FRMPD4: variants seen among roughly 807,000 people sequenced by gnomAD.
FRMPD4 encodes the protein FERM and PDZ domain-containing protein 4.
Under a neutral mutation model 94.1 loss-of-function variants are expected in FRMPD4, and 22 were observed. The ratio of observed to expected loss-of-function variants is 0.23; its 90% CI spans 0.17 to 0.33. The LOEUF is 0.33. FRMPD4 is among the 10% of genes least tolerant of loss of function. The pLI is 1.00. For missense variants in FRMPD4, 1,111 were observed against 1,339.9 expected (o/e 0.83, Z 2.67); for synonymous variants, 631 against 548.6 (o/e 1.15, Z -2.10).
intron 1 of FRMPD4, among the ~76,000 whole-genome samples, chrX:12,465,005 T>G (rs1012831859): frequency 8.9e-6 from 1 of 112,342 alleles, no homozygotes; most frequent in Non-Finnish European, 1.9e-5. Flanking sequence ...TTAAGACCAA[T>G]GATTTGTTTA....
At chrX:11,843,122 T>C (rs778542039) in intron 1 of FRMPD4, among the ~76,000 whole-genome samples, 29 of 112,334 alleles carry the variant, frequency 2.6e-4, no homozygotes, top group African/African-American at 9.4e-4. Flanking sequence ...CAACATGTTA[T>C]ATATACTTTC....
intron 2 of FRMPD4, among the ~76,000 whole-genome samples, chrX:12,515,198 T>C: frequency 8.9e-6 from 1 of 112,029 alleles, no homozygotes; most frequent in East Asian, 2.8e-4. Context: ...TGTCTCTATC[T>C]CCTTCAGTTC....
At chrX:12,069,401 C>T (rs1010096710) in intron 3 of FRMPD4, among the ~76,000 whole-genome samples, 6 of 111,505 alleles carry the variant, frequency 5.4e-5, no homozygotes, top group Non-Finnish European at 1.1e-4. Context: ...AGACTATAGG[C>T]AGCAAGGGTG....
intron 3 of FRMPD4, among the ~76,000 whole-genome samples, chrX:12,062,345 G>A (rs1284428884): frequency 1.8e-5 from 2 of 111,173 alleles, no homozygotes; most frequent in Non-Finnish European, 3.8e-5. Context: ...AGATTATTTG[G>A]GTGAAAATGC....
chrX:12,719,577 G>T (rs1367273942), intron 16 of FRMPD4, among the ~76,000 whole-genome samples: 1 of 111,754 alleles, frequency 8.9e-6, no homozygotes, highest in African/African-American at 3.3e-5. Flanking sequence ...CAGGTCAATG[G>T]AAGTTAGTGA....
intron 3 of FRMPD4, among the ~76,000 whole-genome samples, chrX:12,029,607 A>T (rs770352728): frequency 7.2e-5 from 8 of 111,543 alleles, no homozygotes; most frequent in Non-Finnish European, 1.3e-4. Context: ...TGCATTTTAC[A>T]TTTACGTCTG....
At chrX:12,246,461 G>A (rs761629316) in intron 1 of FRMPD4, among the ~76,000 whole-genome samples, 43 of 111,589 alleles carry the variant, frequency 3.9e-4, no homozygotes, top group African/African-American at 1.4e-3. Flanking sequence ...CCAGGGTACA[G>A]TGGCCTGCTA....
At chrX:11,978,354 C>T (rs1320540016) in intron 3 of FRMPD4, among the ~76,000 whole-genome samples, 1 of 100,527 alleles carries the variant, frequency 9.9e-6, no homozygotes, top group Non-Finnish European at 2.0e-5. Flanking sequence ...AAAAAAGTTC[C>T]CTGGCTGAGG....
chrX:12,202,300 G>A (rs2056640156), intron 1 of FRMPD4, among the ~76,000 whole-genome samples: 1 of 112,079 alleles, frequency 8.9e-6, no homozygotes, highest in African/African-American at 3.2e-5. Context: ...GAGCTGTTGT[G>A]CATGTTGATG....
chrX:11,904,222 G>A (rs146731229), intron 3 of FRMPD4, among the ~76,000 whole-genome samples: 2 of 111,753 alleles, frequency 1.8e-5, no homozygotes, highest in East Asian at 2.8e-4. Context: ...GGTCATCATC[G>A]GGTTTAAAGC....
In FRMPD4 at chrX:12,554,975, G is replaced by A. The variant is rs762964187; in HGVS notation, c.159-54746G>A. Among the ~76,000 whole-genome samples the A allele has an allele frequency of 8.1e-5, 9 of 111,333 alleles. No individual in the cohort carries two copies. In the South Asian group the frequency reaches 2.3e-3, roughly 29 times the overall value. On this transcript the variant is annotated intron_variant, in intron 2 of 16. Coordinates refer to ENST00000675598, the MANE Select transcript of FRMPD4 (RefSeq NM_001368397.1). ...CGGAAGGGTCCTGCTCTGGGGGGCC[G>A]TAGGTCCCAACCCATCTCACCCCCT... is the stretch of plus-strand genomic sequence containing the variant.
chrX:12,516,931 G>A (rs1367326764), intron 2 of FRMPD4, among the ~76,000 whole-genome samples: 7 of 81,719 alleles, frequency 8.6e-5, no homozygotes, highest in Non-Finnish European at 1.6e-4. Context: ...TAATCTTGTC[G>A]ACCTGTCTTA....
intron 1 of FRMPD4, among the ~76,000 whole-genome samples, chrX:12,285,990 A>G (rs2054594589): frequency 8.9e-6 from 1 of 112,308 alleles, no homozygotes; most frequent in South Asian, 3.7e-4. Flanking sequence ...CTGTTAGTCA[A>G]GCACGTTGTG....
intron 1 of FRMPD4, among the ~76,000 whole-genome samples, chrX:11,856,475 A>G (rs2053654433): frequency 9.0e-6 from 1 of 111,708 alleles, no homozygotes; most frequent in Non-Finnish European, 1.9e-5. Context: ...CTCAATAGAT[A>G]CAGAAAAGGC....
At chrX:12,048,548 A>G (rs1455892490) in intron 3 of FRMPD4, among the ~76,000 whole-genome samples, 1 of 111,457 alleles carries the variant, frequency 9.0e-6, no homozygotes, top group East Asian at 2.8e-4. Context: ...TTAGTCATAA[A>G]TTTTTTTCCA....
rs759879362 is a variant in FRMPD4 at position 12,631,134 on chromosome X, A to T, written c.422+16253A>T. On this transcript the variant is annotated intron_variant, in intron 4 of 16. Transcript: ENST00000675598. The stretch of plus-strand genomic sequence containing the variant: ...CTTTGGCAAGAAACCAGCCATATAG[A>T]TGGATCTACCTGCCCAGGAAGCTAA... 1.7e-4 allele frequency among the ~76,000 whole-genome samples: 19 copies of T among 111,625 alleles called. No individual in the cohort carries two copies. In the Admixed American group the frequency reaches 1.7e-3, roughly 10 times the overall value.
At chrX:12,119,417 TGAA>T (rs1390494950) in intron 3 of FRMPD4, among the ~76,000 whole-genome samples, 1 of 112,181 alleles carries the variant, frequency 8.9e-6, no homozygotes, top group Non-Finnish European at 1.9e-5. Flanking sequence ...CAATATGAAA[TGAA>T]GAAAAATTAT....
At position 12,716,212 on chromosome X, in the gene FRMPD4, A is replaced by C. The variant is rs767661572; in HGVS notation, c.1753A>C (p.Ser585Arg). The C allele has an allele frequency of 8.3e-7, 1 of 1,208,721 alleles. No homozygotes were observed. The change falls in exon 15 of 17, where the codon AGC (serine) becomes CGC (arginine). Residue 585 changes from serine to arginine, a missense_variant. Physicochemically the swap from Ser to Arg is moderately radical, Grantham distance 110. This residue lies in a region of FRMPD4 where 192 missense variants were observed against 192.5 expected (regional missense o/e 1.00). Transcript: ENST00000675598. ...SKQKTVEITD[S>R]TMCPKEHRHL... ...GCAGAAGACGGTGGAGATCACAGAC[A>C]GCACCATGTGTCCAAAAGAGCACCG...
chrX:12,234,627 C>T lies in FRMPD4; in HGVS notation c.41+95615C>T, dbSNP rs140677530. Among the ~76,000 whole-genome samples, 748 of 111,730 alleles carry T rather than the reference C, an allele frequency of 6.7e-3. 4 individuals carry two copies. The highest frequency in any genetic ancestry group is 0.011 in the Non-Finnish European group (575 of 53,123). On this transcript the variant is annotated intron_variant, in intron 1 of 16. Transcript: ENST00000675598. The stretch of plus-strand genomic sequence containing the variant: ...TTGCAGCCTCCAGGAATGATGCCAA[C>T]CACCTCCAGGGGTGTTGAGAAATAT...
Sources: allele counts gnomAD v4.1 joint callset (sites outside exome capture counted in the v4.1 genomes callset), GRCh38; gene constraint gnomAD v4.1.1; regional missense constraint gnomAD v4.1.1; transcripts MANE v1.5; gene names NCBI Gene and HGNC (gene_info 2026-07-23, HGNC 2026-07-21).